Variants in RALGAPA2 observed in about 807,000 individuals in gnomAD.
The protein encoded by RALGAPA2 is Ral GTPase activating protein catalytic subunit alpha 2.
Under a neutral mutation model 230.4 loss-of-function variants are expected in RALGAPA2, and 139 were observed. The observed-to-expected ratio is 0.60, with a 90% CI of 0.53 to 0.69. The LOEUF is 0.69. Ranked by LOEUF, RALGAPA2 falls within the 30% of genes least tolerant of loss-of-function variation. The probability of loss-of-function intolerance (pLI) is 0.00; values close to 1 mark genes in which losing one functional copy is unlikely to be tolerated. For synonymous variants in RALGAPA2, 847 were observed against 837.8 expected (o/e 1.01, Z -0.19); for missense variants, 2,163 against 2,276.0 (o/e 0.95, Z 1.01).
Position 20,611,392 on chromosome 20 carries a change from C to G in RALGAPA2, c.1723G>C (p.Glu575Gln). 1 of 1,613,528 alleles carries G rather than the reference C, an allele frequency of 6.2e-7. No individual in the cohort carries two copies. Among genetic ancestry groups the G allele is most frequent in the Non-Finnish European group, 8.5e-7 (1 of 1,179,584 alleles). Residue 575 changes from glutamate (E) to glutamine (Q), a missense_variant, in exon 14 of 40, where the codon GAA becomes CAA. Coordinates refer to ENST00000202677, the MANE Select transcript of RALGAPA2 (RefSeq NM_020343.4). ...QMLQILLRIT[E>Q]AVMQKPKDKQ... ...TCCTTTGGCTTCTGCATGACAGCTTCTGTTATCCTGAGTAGTATTTGCAAC... is the reference window on the plus strand; with the variant it reads ...TCCTTTGGCTTCTGCATGACAGCTTGTGTTATCCTGAGTAGTATTTGCAAC...
At chr20:20,574,853 C>G (rs1015993412) in intron 20 of RALGAPA2, among the ~76,000 whole-genome samples, 1 of 152,194 alleles carries the variant, frequency 6.6e-6, no homozygotes, top group Non-Finnish European at 1.5e-5. Context: ...AACCTGCAGC[C>G]TTTGCACAAA....
At chr20:20,548,890 A>T (rs2063845547) in intron 23 of RALGAPA2, among the ~76,000 whole-genome samples, 1 of 152,204 alleles carries the variant, frequency 6.6e-6, no homozygotes, top group Non-Finnish European at 1.5e-5. Flanking sequence ...ATGGAAGCAC[A>T]TTTCTGTTGA....
intron 37 of RALGAPA2, among the ~76,000 whole-genome samples, chr20:20,426,770 C>T (rs1569389075): frequency 6.6e-6 from 1 of 152,222 alleles, no homozygotes; most frequent in African/African-American, 2.4e-5. Context: ...GCGTCTGCAG[C>T]AGGTGAATCA....
intron 27 of RALGAPA2, among the ~76,000 whole-genome samples, chr20:20,527,242 T>C (rs1273881699): frequency 2.0e-5 from 3 of 152,178 alleles, no homozygotes; most frequent in African/African-American, 7.2e-5. Context: ...GTGACAAATG[T>C]ACAGAATAAG....
chr20:20,506,544 T>C (rs1414566470), intron 33 of RALGAPA2, among the ~76,000 whole-genome samples: 1 of 152,114 alleles, frequency 6.6e-6, no homozygotes, highest in Non-Finnish European at 1.5e-5. Context: ...CCCAAGAGTT[T>C]TGGTTTTTTT....
chr20:20,661,213 C>T (rs1265960542), intron 3 of RALGAPA2, among the ~76,000 whole-genome samples: 1 of 152,074 alleles, frequency 6.6e-6, no homozygotes, highest in Non-Finnish European at 1.5e-5. Context: ...GGCTGGAGAG[C>T]AATGGCGCAA....
chr20:20,562,331 C>T (rs1385470994), intron 23 of RALGAPA2, among the ~76,000 whole-genome samples: 1 of 152,068 alleles, frequency 6.6e-6, no homozygotes, highest in Non-Finnish European at 1.5e-5. Context: ...GAGTCTCCTT[C>T]CAGAGAGAAA....
intron 36 of RALGAPA2, among the ~76,000 whole-genome samples, chr20:20,487,441 T>C (rs1313699318): frequency 6.6e-6 from 1 of 152,212 alleles, no homozygotes; most frequent in Non-Finnish European, 1.5e-5. Flanking sequence ...TCTATAGTCC[T>C]AGGATTTAGT....
chr20:20,513,332 T>C (rs1220719092), intron 31 of RALGAPA2, 48 bp from the exon 32 acceptor site: 1 of 1,334,578 alleles, frequency 7.5e-7, no homozygotes, highest in Non-Finnish European at 9.6e-7. Flanking sequence ...TGAATGAAGA[T>C]TAAAACTCAA....
chr20:20,524,723 A>G, intron 29 of RALGAPA2, 107 bp downstream of exon 29: 2 of 1,294,806 alleles, frequency 1.5e-6, no homozygotes, highest in Non-Finnish European at 2.1e-6. Flanking sequence ...TAAGGCCAAT[A>G]GAGAAGGATA....
intron 37 of RALGAPA2, among the ~76,000 whole-genome samples, chr20:20,463,998 T>TG (rs2061360325): frequency 6.6e-6 from 1 of 152,194 alleles, no homozygotes; most frequent in Non-Finnish European, 1.5e-5. Flanking sequence ...GAGATTCTTC[T>TG]GGGGCCCAGC....
chr20:20,409,161 A>G (rs2060009610), intron 38 of RALGAPA2, among the ~76,000 whole-genome samples: 1 of 152,120 alleles, frequency 6.6e-6, no homozygotes, highest in Non-Finnish European at 1.5e-5. Context: ...GGATGGGGAG[A>G]GTCAGAAGCA....
At chr20:20,592,968 A>C (rs564963329) in intron 16 of RALGAPA2, among the ~76,000 whole-genome samples, 19 of 151,948 alleles carry the variant, frequency 1.3e-4, no homozygotes, top group Admixed American at 2.0e-4. Flanking sequence ...GCCAGGTTGG[A>C]GTGCAGTGGT....
intron 16 of RALGAPA2, among the ~76,000 whole-genome samples, chr20:20,598,122 T>C (rs546699253): frequency 2.2e-4 from 34 of 152,350 alleles, no homozygotes; most frequent in African/African-American, 6.5e-4. Context: ...TTTAATTGGC[T>C]GAAGTACAGG....
intron 28 of RALGAPA2, 52 bp from the exon 29 acceptor site, chr20:20,524,950 T>C: frequency 6.6e-7 from 1 of 1,513,544 alleles, no homozygotes; most frequent in Admixed American, 2.0e-5. Context: ...TAAGCCTTTG[T>C]AAGCCTATGT....
chr20:20,389,615 T>C lies in RALGAPA2; in HGVS notation c.*3674A>G, dbSNP rs2059571485. On this transcript the variant is annotated 3_prime_UTR_variant, in exon 40 of 40. Coordinates refer to ENST00000202677, the MANE Select transcript of RALGAPA2 (RefSeq NM_020343.4). ...AACTATAATGAGAATGAGAGAAACA[T>C]ATAGCACTGAAGTGCTGTGTTTCCA... 1 of 152,202 alleles carries C rather than the reference T, an allele frequency of 6.6e-6. No homozygotes were observed. 9.4% of individuals were successfully genotyped at this position (152,202 alleles called of 1,614,324 possible).
chr20:20,513,348 T>A, intron 31 of RALGAPA2, 64 bp from the exon 32 acceptor site: 1 of 1,272,072 alleles, frequency 7.9e-7, no homozygotes, highest in Non-Finnish European at 1.0e-6. Flanking sequence ...CTCAACACCT[T>A]TTTTTTGGGT....
At chr20:20,597,777 T>C (rs574038156) in intron 16 of RALGAPA2, among the ~76,000 whole-genome samples, 3 of 152,162 alleles carry the variant, frequency 2.0e-5, no homozygotes, top group African/African-American at 7.2e-5. Flanking sequence ...AAGCAGAGGT[T>C]GCAGTGAGCC....
At chr20:20,703,534 T>C (rs1029718221) in intron 1 of RALGAPA2, among the ~76,000 whole-genome samples, 1 of 152,192 alleles carries the variant, frequency 6.6e-6, no homozygotes, top group Non-Finnish European at 1.5e-5. Flanking sequence ...CATTCACAAA[T>C]AGATATTTAA....
Sources: gnomAD v4.1 joint callset for allele counts (sites outside exome capture counted in the v4.1 genomes callset) on GRCh38, gnomAD v4.1.1 for gene constraint, MANE v1.5 for transcripts, NCBI Gene and HGNC (gene_info 2026-07-23, HGNC 2026-07-21) for gene names.